Variants in TNFAIP8L3 observed in about 807,000 individuals in gnomAD.
TNFAIP8L3 encodes the protein tumor necrosis factor alpha-induced protein 8-like protein 3.
Under a neutral mutation model 11.8 loss-of-function variants are expected in TNFAIP8L3, and 7 were observed. The ratio of observed to expected loss-of-function variants is 0.59; its 90% confidence interval spans 0.34 to 1.11. TNFAIP8L3 has a LOEUF of 1.11. Among genes scored for constraint, TNFAIP8L3 ranks in the 50% most tolerant of loss-of-function variants. The pLI is 0.03. For missense variants in TNFAIP8L3, 219 were observed against 258.6 expected (o/e 0.85, Z 1.05); for synonymous variants, 98 against 103.8 (o/e 0.94, Z 0.34).
chr15:51,087,612 A>G (rs986176809), intron 1 of TNFAIP8L3, among the ~76,000 whole-genome samples: 1 of 152,132 alleles, frequency 6.6e-6, no homozygotes, highest in African/African-American at 2.4e-5. Flanking sequence ...GTGGTTTTTC[A>G]ATAGTTTAAA....
At chr15:51,091,676 G>GCACA (rs3077947) in intron 1 of TNFAIP8L3, among the ~76,000 whole-genome samples, 12,559 of 143,842 alleles carry the variant, frequency 0.087, 580 homozygotes, top group African/African-American at 0.098. Context: ...ACCTCCTCAA[G>GCACA]CACACACACA....
At chr15:51,059,563 T>G (rs756981243) in intron 1 of TNFAIP8L3, among the ~76,000 whole-genome samples, 1 of 152,224 alleles carries the variant, frequency 6.6e-6, no homozygotes, top group Non-Finnish European at 1.5e-5. Context: ...ATATTGTTCT[T>G]ATCTTCCCAA....
At chr15:51,087,738 A>G (rs2065439670) in intron 1 of TNFAIP8L3, among the ~76,000 whole-genome samples, 2 of 151,706 alleles carry the variant, frequency 1.3e-5, no homozygotes, top group South Asian at 2.1e-4. Flanking sequence ...TTCCATTTTT[A>G]CAGTATGCAC....
intron 1 of TNFAIP8L3, chr15:51,104,939 C>T (rs1490671564): frequency 1.1e-5 from 18 of 1,603,368 alleles, no homozygotes; most frequent in African/African-American, 2.7e-5. Flanking sequence ...CGCCACCTTG[C>T]ATGCTTTGCA....
intron 1 of TNFAIP8L3, among the ~76,000 whole-genome samples, chr15:51,065,739 T>C (rs1157836210): frequency 6.6e-6 from 1 of 152,176 alleles, no homozygotes; most frequent in Non-Finnish European, 1.5e-5. Flanking sequence ...AAAACTTGAA[T>C]GTAAGTGTGG....
chr15:51,104,648 C>T (rs2065576912), intron 1 of TNFAIP8L3, among the ~76,000 whole-genome samples: 1 of 152,194 alleles, frequency 6.6e-6, no homozygotes, highest in African/African-American at 2.4e-5. Flanking sequence ...GGATGCTTTG[C>T]TGTGATGGCT....
At chr15:51,097,026 C>T (rs140430699), upstream of TNFAIP8L3, among the ~76,000 whole-genome samples, 539 of 150,986 alleles carry the variant, frequency 3.6e-3, 3 homozygotes, top group Non-Finnish European at 6.8e-3. Context: ...TAAGGTAAAA[C>T]AACAATGATA....
rs2065499568 is a variant in TNFAIP8L3, at chr15:51,094,771, C to T, written c.-176G>A. The T allele has an allele frequency of 1.3e-6, 1 of 744,808 alleles. No homozygotes were observed. The highest frequency in any genetic ancestry group is 1.5e-6 in the Non-Finnish European group (1 of 681,600). 46.1% of individuals were successfully genotyped at this position (744,808 alleles called of 1,614,324 possible). On this transcript the variant is annotated 5_prime_UTR_variant, in exon 1 of 2. Coordinates refer to ENST00000637513, the MANE Select transcript of TNFAIP8L3 (RefSeq NM_001311175.2). This position sits in a 1 kb window ranked among gnomAD's most constrained non-coding sequence, Gnocchi z 4.4. ...GGGGCGGCTCCGCAGAGGCGAGCGC[C>T]GCCGCGCCCCGCTCCCCGCGCCCGC...
In TNFAIP8L3 at chr15:51,094,699, G is replaced by C. The variant is rs2065498819; in HGVS notation, c.-104C>G. Reference sequence around the variant, plus strand: ...GGACAGCGGGGCGGCTGGAGCCCGGGCGGCGCGGGCGGCGCGGGCTGGGCG... The same window carrying C: ...GGACAGCGGGGCGGCTGGAGCCCGGCCGGCGCGGGCGGCGCGGGCTGGGCG... On this transcript the variant is annotated 5_prime_UTR_variant, in exon 1 of 2. Coordinates refer to ENST00000637513, the MANE Select transcript of TNFAIP8L3 (RefSeq NM_001311175.2). This position sits in a 1 kb window ranked among gnomAD's most constrained non-coding sequence, Gnocchi z 4.4. The C allele has an allele frequency of 5.0e-6, 3 of 597,218 alleles. No individual in the cohort carries two copies. Among genetic ancestry groups the C allele is most frequent in the Non-Finnish European group, 6.2e-6 (3 of 487,056 alleles). The allele number at this position is 597,218 out of a possible 1,614,324, so 37.0% of individuals were successfully genotyped here. A position where few individuals can be genotyped will look rare whatever the true frequency, so the allele number is the denominator to read the frequency against.
At chr15:51,095,153 A>G (rs1411590427), upstream of TNFAIP8L3, among the ~76,000 whole-genome samples, 2 of 144,736 alleles carry the variant, frequency 1.4e-5, no homozygotes, top group Admixed American at 7.3e-5. Context: ...TTCGAGTCCA[A>G]CTCCTCCGCT....
chr15:51,093,380 T>C (rs1395927948), intron 1 of TNFAIP8L3, among the ~76,000 whole-genome samples: 1 of 152,192 alleles, frequency 6.6e-6, no homozygotes, highest in Admixed American at 6.5e-5. Context: ...CTTTACTCTA[T>C]GGGAATCTCT....
Position 51,059,951 on chromosome 15 carries a change from C to G in TNFAIP8L3, c.53-1508G>C, listed in dbSNP as rs137866042. On this transcript the variant is annotated intron_variant, in intron 1 of 1. Coordinates refer to ENST00000637513, the MANE Select transcript of TNFAIP8L3 (RefSeq NM_001311175.2). Reference sequence around the variant, plus strand: ...GGGCCTTCCACAGTCCCAGCAAGCTCTCTTCCAAAGTCTGAGACCATAGAA... The same window carrying G: ...GGGCCTTCCACAGTCCCAGCAAGCTGTCTTCCAAAGTCTGAGACCATAGAA... Among the ~76,000 whole-genome samples, 304 of 152,354 alleles carry G rather than the reference C, an allele frequency of 2.0e-3. 1 individual carries two copies. The highest frequency in any genetic ancestry group is 4.9e-3 in the Admixed American group (75 of 15,306).
chr15:51,104,260 C>T (rs1451764112), intron 1 of TNFAIP8L3, among the ~76,000 whole-genome samples: 1 of 152,144 alleles, frequency 6.6e-6, no homozygotes, highest in African/African-American at 2.4e-5. Context: ...CAGCTCTTTC[C>T]TGTGTCTTGA....
chr15:51,087,424 C>G (rs1228129808), intron 1 of TNFAIP8L3, among the ~76,000 whole-genome samples: 1 of 152,226 alleles, frequency 6.6e-6, no homozygotes, highest in Non-Finnish European at 1.5e-5. Context: ...TCACTAGCAA[C>G]AGCTCCTTCC....
chr15:51,093,584 G>C (rs1255136176), intron 1 of TNFAIP8L3, among the ~76,000 whole-genome samples: 1 of 152,176 alleles, frequency 6.6e-6, no homozygotes, highest in Non-Finnish European at 1.5e-5. Context: ...GGCTTAGCCA[G>C]GGCCGCGGTC....
chr15:51,104,941 T>A, intron 1 of TNFAIP8L3: 1 of 1,604,724 alleles, frequency 6.2e-7, no homozygotes, highest in Non-Finnish European at 8.5e-7. Context: ...CCACCTTGCA[T>A]GCTTTGCACA....
At chr15:51,099,676 A>T (rs1047703641), upstream of TNFAIP8L3, among the ~76,000 whole-genome samples, 1 of 152,162 alleles carries the variant, frequency 6.6e-6, no homozygotes, top group Non-Finnish European at 1.5e-5. Flanking sequence ...TCTTACAAGC[A>T]TCTACACAGC....
chr15:51,082,140 A>G (rs1477407388), intron 1 of TNFAIP8L3, among the ~76,000 whole-genome samples: 1 of 151,858 alleles, frequency 6.6e-6, no homozygotes, highest in African/African-American at 2.4e-5. Flanking sequence ...CTACGTTCTC[A>G]GAAATGCATT....
chr15:51,075,812 A>C (rs2140971780), intron 1 of TNFAIP8L3, among the ~76,000 whole-genome samples: 1 of 152,370 alleles, frequency 6.6e-6, no homozygotes, highest in African/African-American at 2.4e-5. Context: ...GGCCTGTGAC[A>C]GTGGACTGAG....
Sources: gnomAD v4.1 joint callset for allele counts (sites outside exome capture counted in the v4.1 genomes callset) on GRCh38, gnomAD v4.1.1 for gene constraint, Gnocchi (gnomAD v3.1) non-coding constraint, MANE v1.5 for transcripts, NCBI Gene and HGNC (gene_info 2026-07-23, HGNC 2026-07-21) for gene names.